ZER1: variants seen among roughly 807,000 people sequenced by gnomAD.
ZER1 encodes the protein zyg-11 related cell cycle regulator, also known as protein zer-1 homolog.
ZER1 carries 11 observed loss-of-function variants against 78.8 expected under a neutral mutation model. The observed-to-expected ratio is 0.14, with a 90% CI of 0.09 to 0.23. The LOEUF is 0.23. Among genes scored for constraint, ZER1 ranks in the 10% least tolerant of loss-of-function variants. The pLI is 1.00. For synonymous variants in ZER1, 400 were observed against 407.0 expected (o/e 0.98, Z 0.21); for missense variants, 588 against 996.9 (o/e 0.59, Z 5.52).
chr9:128,762,237 T>A (rs1281879113), intron 1 of ZER1, among the ~76,000 whole-genome samples: 1 of 152,148 alleles, frequency 6.6e-6, no homozygotes, highest in East Asian at 1.9e-4. Context: ...CTTAGAGGGT[T>A]CTGGAGTTCT....
Position 128,731,400 on chromosome 9 carries a change from G to C in ZER1, c.2244-6C>G. 1.0e-6 allele frequency: 1 copy of C among 961,090 alleles called. No homozygotes were observed. The highest frequency in any genetic ancestry group is 1.5e-6 in the Non-Finnish European group (1 of 657,544). 59.5% of individuals were successfully genotyped at this position (961,090 alleles called of 1,614,324 possible). A position where few individuals can be genotyped will look rare whatever the true frequency, so the allele number is the denominator to read the frequency against. On this transcript the variant is annotated splice_region_variant and splice_polypyrimidine_tract_variant and intron_variant, in intron 15 of 15. Coordinates refer to ENST00000291900, the MANE Select transcript of ZER1 (RefSeq NM_006336.4). ...TGCAGTGCTCAATCACCTTGCTGGA[G>C]ACAATGGGGGAGACAGGATTGGAGG...
intron 13 of ZER1, among the ~76,000 whole-genome samples, chr9:128,736,968 A>AC (rs1276683111): frequency 6.6e-6 from 1 of 151,642 alleles, no homozygotes; most frequent in Non-Finnish European, 1.5e-5. Flanking sequence ...ACACAGTGAA[A>AC]CCCCGTCTCC....
At chr9:128,737,858 A>G (rs918230006) in intron 13 of ZER1, among the ~76,000 whole-genome samples, 4 of 150,966 alleles carry the variant, frequency 2.6e-5, no homozygotes, top group African/African-American at 9.8e-5. Context: ...GCCCACCACC[A>G]TGCCTGGCTA....
chr9:128,757,374 T>A (rs1243621600), intron 1 of ZER1, among the ~76,000 whole-genome samples: 1 of 151,756 alleles, frequency 6.6e-6, no homozygotes, highest in African/African-American at 2.4e-5. Flanking sequence ...CAAAAAAAAT[T>A]AGCTGGGCAC....
chr9:128,761,710 T>C (rs558144149), intron 1 of ZER1, among the ~76,000 whole-genome samples: 1 of 150,896 alleles, frequency 6.6e-6, no homozygotes, highest in African/African-American at 2.4e-5. Flanking sequence ...GTTCATGCCA[T>C]TCTCTTGCCT....
chr9:128,739,700 G>A (rs1200475828), intron 13 of ZER1, among the ~76,000 whole-genome samples: 1 of 152,024 alleles, frequency 6.6e-6, no homozygotes, highest in Non-Finnish European at 1.5e-5. Flanking sequence ...CAGGCTTTGG[G>A]TACATGCAGA....
intron 1 of ZER1, among the ~76,000 whole-genome samples, chr9:128,757,918 CA>C (rs1458181668): frequency 8.5e-6 from 1 of 117,148 alleles, no homozygotes; most frequent in South Asian, 2.7e-4. Context: ...AAATGTGCAC[CA>C]AAAGATCTAC....
chr9:128,755,498 CCATCCAGGTTGCGCAAGCAGAAGTCAG>C lies in ZER1; in HGVS notation c.41_67del (p.Thr14_Gly23delinsSer). The C allele has an allele frequency of 6.2e-7, 1 of 1,614,042 alleles. No homozygotes were observed. ...CTTGTCCAGCAGGTAGCCCAGGGTG[CCATCCAGGTTGCGCAAGCAGAAGTCAG>C]TACAGAGGGCCATCAGCGACTCGGG... is the stretch of plus-strand genomic sequence containing the variant. On this transcript the variant is annotated inframe_deletion, in exon 2 of 16. Transcript: ENST00000291900. This position sits in a 1 kb window ranked among gnomAD's most constrained non-coding sequence, Gnocchi z 5.6.
chr9:128,734,507 T>C (rs1862992600), intron 14 of ZER1, among the ~76,000 whole-genome samples: 1 of 151,708 alleles, frequency 6.6e-6, no homozygotes, highest in African/African-American at 2.4e-5. Context: ...TAATTTTTTT[T>C]TTTTTAAGTA....
intron 8 of ZER1, among the ~76,000 whole-genome samples, chr9:128,749,040 T>C (rs1157711313): frequency 1.4e-5 from 2 of 147,100 alleles, no homozygotes; most frequent in Non-Finnish European, 3.0e-5. Flanking sequence ...TATATATATA[T>C]ATTGTGGCTG....
At chr9:128,769,288 C>T (rs929185470) in intron 1 of ZER1, among the ~76,000 whole-genome samples, 4 of 152,254 alleles carry the variant, frequency 2.6e-5, no homozygotes, top group Admixed American at 2.6e-4. Context: ...CATTCCTCAT[C>T]ATCACATCAT....
intron 1 of ZER1, among the ~76,000 whole-genome samples, chr9:128,757,758 C>T (rs1055783359): frequency 3.9e-5 from 6 of 152,286 alleles, no homozygotes; most frequent in East Asian, 1.9e-4. Flanking sequence ...AAATCTCCCA[C>T]AGGGCTGGCG....
chr9:128,769,964 G>A (rs1393300813), intron 1 of ZER1, among the ~76,000 whole-genome samples: 1 of 151,970 alleles, frequency 6.6e-6, no homozygotes, highest in Non-Finnish European at 1.5e-5. Context: ...CAACAAGTAC[G>A]GTTCTGAAAG....
chr9:128,738,169 C>T (rs1408488303), intron 13 of ZER1, among the ~76,000 whole-genome samples: 4 of 149,296 alleles, frequency 2.7e-5, no homozygotes, highest in Admixed American at 1.3e-4. Flanking sequence ...CTCAGCCTCC[C>T]GAGTAGCTGG....
rs774803392 is a variant in ZER1 at position 128,749,753 on chromosome 9, T to G, written c.1359+863A>C. On this transcript the variant is annotated intron_variant, in intron 8 of 15. Coordinates refer to ENST00000291900, the MANE Select transcript of ZER1 (RefSeq NM_006336.4). ...GCAAGACTCCATCTGAAAAAAAAATTTGTTGGCTGGCCAGGCGCAGTGGCT... is the reference window on the plus strand; with the variant it reads ...GCAAGACTCCATCTGAAAAAAAAATGTGTTGGCTGGCCAGGCGCAGTGGCT... Among the ~76,000 whole-genome samples the G allele has an allele frequency of 2.0e-4, 29 of 143,416 alleles. 1 individual carries two copies. The highest frequency in any genetic ancestry group is 4.5e-5 in the Non-Finnish European group (3 of 66,618). The allele number at this position is 143,416 out of a possible 152,430, so 94.1% of individuals were successfully genotyped here.
At chr9:128,760,310 C>T (rs2132471218) in intron 1 of ZER1, among the ~76,000 whole-genome samples, 1 of 152,252 alleles carries the variant, frequency 6.6e-6, no homozygotes, top group Admixed American at 6.5e-5. Context: ...TCAAGCGATT[C>T]TCCTGCCCCA....
In ZER1 at chr9:128,766,581, T is replaced by C. The variant is rs537690885; in HGVS notation, c.-95+5000A>G. Among the ~76,000 whole-genome samples the C allele has an allele frequency of 3.9e-4, 59 of 150,994 alleles. No individual in the cohort carries two copies. The East Asian group carries it at 7.8e-3, about 20-fold the overall frequency. Reference sequence around the variant, plus strand: ...GTGTGTCAGGCTGGGCACAGTGGCCTACGCCTGTAATCCCAGCACTTTGGG... The same window carrying C: ...GTGTGTCAGGCTGGGCACAGTGGCCCACGCCTGTAATCCCAGCACTTTGGG... On this transcript the variant is annotated intron_variant, in intron 1 of 15. Coordinates refer to ENST00000291900, the MANE Select transcript of ZER1 (RefSeq NM_006336.4).
At position 128,730,822 on chromosome 9, in the gene ZER1, G is replaced by A. The variant is rs1277000526; in HGVS notation, c.*515C>T. 1.3e-5 allele frequency: 2 copies of A among 152,900 alleles called. No homozygotes were observed. The highest frequency in any genetic ancestry group is 4.8e-5 in the African/African-American group (2 of 41,462). The allele number at this position is 152,900 out of a possible 1,614,324, so 9.5% of individuals were successfully genotyped here. A position where few individuals can be genotyped will look rare whatever the true frequency, so the allele number is the denominator to read the frequency against. On this transcript the variant is annotated 3_prime_UTR_variant, in exon 16 of 16. Coordinates refer to ENST00000291900, the MANE Select transcript of ZER1 (RefSeq NM_006336.4). ...GCTTTTGGGAGACCCAGTGGGGTAA[G>A]TTCTAATCCCCAAACCCCATCAGCT... is the stretch of plus-strand genomic sequence containing the variant.
Position 128,755,704 on chromosome 9 carries a change from G to T in ZER1, c.-94-45C>A. 8.9e-7 allele frequency: 1 copy of T among 1,124,204 alleles called. No homozygotes were observed. Among genetic ancestry groups the T allele is most frequent in the Non-Finnish European group, 1.2e-6 (1 of 802,852 alleles). 69.6% of individuals were successfully genotyped at this position (1,124,204 alleles called of 1,614,324 possible). ...CCAAGTGAGCCACACACAAGGGCTA[G>T]AACTATCAGTGGTCCCATGTCCACG... On this transcript the variant is annotated intron_variant, in intron 1 of 15. Coordinates refer to ENST00000291900, the MANE Select transcript of ZER1 (RefSeq NM_006336.4). This position sits in a 1 kb window ranked among gnomAD's most constrained non-coding sequence, Gnocchi z 5.6.
Sources: gnomAD v4.1 joint callset for allele counts (sites outside exome capture counted in the v4.1 genomes callset) on GRCh38, gnomAD v4.1.1 for gene constraint, Gnocchi (gnomAD v3.1) non-coding constraint, MANE v1.5 for transcripts, NCBI Gene and HGNC (gene_info 2026-07-23, HGNC 2026-07-21) for gene names.